The following AGXT2 variants were observed in gnomAD, a reference collection of about 807,000 sequenced individuals.
The protein encoded by AGXT2 is alanine--glyoxylate aminotransferase 2, mitochondrial.
AGXT2 carries 61 observed loss-of-function variants against 62.5 expected under a neutral mutation model. The observed-to-expected ratio is 0.98, with a 90% CI of 0.79 to 1.21. The LOEUF is 1.21. AGXT2 is among the 50% of genes most tolerant of loss of function. The pLI is 0.00. For missense variants in AGXT2, 666 were observed against 641.5 expected, an observed-to-expected ratio of 1.04 and a Z score of -0.41; for synonymous variants, 243 against 218.7, an observed-to-expected ratio of 1.11 and a Z score of -0.98.
chr5:35,014,666 C>T (rs1042399084), intron 9 of AGXT2, among the ~76,000 whole-genome samples: 1 of 152,106 alleles, frequency 6.6e-6, no homozygotes, highest in Admixed American at 6.5e-5. Flanking sequence ...GTCCTTGGAA[C>T]CTCTGCTAAC....
chr5:35,034,233 C>A (rs1024136947), intron 5 of AGXT2, among the ~76,000 whole-genome samples: 3 of 151,866 alleles, frequency 2.0e-5, no homozygotes, highest in Admixed American at 2.0e-4. Flanking sequence ...TACTTTTGCA[C>A]CGACCTAATG....
intron 13 of AGXT2, 35 bp downstream of exon 13, chr5:35,003,728 C>T (rs540104011): frequency 6.4e-7 from 1 of 1,574,502 alleles, no homozygotes. Context: ...AGACTCCTAC[C>T]TAGAGCGATA....
rs960296289 is a variant in AGXT2, at chr5:35,013,915, C to T, written c.1096+72G>A. ...TGATTGTCTCCAATCTACACAAGTT[C>T]CAACACACGTGTTATACCATAGCCC... On this transcript the variant is annotated intron_variant, in intron 10 of 13. Coordinates refer to ENST00000231420, the MANE Select transcript of AGXT2 (RefSeq NM_031900.4). 1.0e-5 allele frequency: 16 copies of T among 1,603,744 alleles called. No individual in the cohort carries two copies. In the Admixed American group the frequency reaches 1.0e-4, roughly 10 times the overall value.
At chr5:35,017,588 T>TG (rs1370737210) in intron 9 of AGXT2, among the ~76,000 whole-genome samples, 3 of 152,238 alleles carry the variant, frequency 2.0e-5, no homozygotes, top group African/African-American at 4.8e-5. Flanking sequence ...GCCATGATTG[T>TG]TAGGCCTCCC....
At chr5:35,032,985 A>AT (rs1191506089) in intron 6 of AGXT2, 160 bp from the exon 7 acceptor site, 3 of 682,326 alleles carry the variant, frequency 4.4e-6, no homozygotes, top group Non-Finnish European at 7.8e-6. Flanking sequence ...TGAAGAGATA[A>AT]TTTTTTCTTA....
At chr5:35,018,914 G>A in intron 9 of AGXT2, among the ~76,000 whole-genome samples, 1 of 143,074 alleles carries the variant, frequency 7.0e-6, no homozygotes, top group Non-Finnish European at 1.5e-5. Flanking sequence ...AAAAGGCAGG[G>A]GTTGCAATCC....
At chr5:35,013,507 GGGGTGCAGTGGCTCACGCCT>G (rs1421077037) in intron 10 of AGXT2, among the ~76,000 whole-genome samples, 1 of 152,064 alleles carries the variant, frequency 6.6e-6, no homozygotes, top group Non-Finnish European at 1.5e-5. Flanking sequence ...CTTTCGGATA[GGGGTGCAGTGGCTCACGCCT>G]GTAATCCCAT....
rs1219933531 is a variant in AGXT2, at chr5:35,039,419, G to A, written c.267C>T (p.His89=). Residue 89 remains histidine, a synonymous_variant, in exon 3 of 14, where the codon CAC becomes CAT. Transcript: ENST00000231420. ...TAYFQKPLLL[H]QGHMEWLFDA... is the part of the protein sequence containing the mutation. ...CAAAGAGCCACTCCATGTGCCCCTG[G>A]TGGAGCAGCAGGGGTTTCTGGAAAT... is the stretch of plus-strand genomic sequence containing the variant. 1.9e-6 allele frequency: 3 copies of A among 1,613,812 alleles called. No individual in the cohort carries two copies. In the Admixed American group the frequency reaches 5.0e-5, roughly 27 times the overall value.
intron 11 of AGXT2, chr5:35,012,648 C>A (rs1299102207): frequency 8.1e-6 from 3 of 371,972 alleles, no homozygotes; most frequent in Admixed American, 4.0e-5. Context: ...ACAAGGATAG[C>A]AGTTAACATC....
At chr5:35,025,982 T>C in intron 8 of AGXT2, 127 bp from the exon 9 acceptor site, 3 of 805,592 alleles carry the variant, frequency 3.7e-6, no homozygotes, top group South Asian at 2.9e-5. Flanking sequence ...CAACAGTCTG[T>C]AGAACAGTTT....
At chr5:35,039,535 C>A (rs1220229333) in intron 2 of AGXT2, 27 bp from the exon 3 acceptor site, 2 of 1,607,768 alleles carry the variant, frequency 1.2e-6, no homozygotes, top group Non-Finnish European at 1.7e-6. Flanking sequence ...TTTAAACCCA[C>A]ACACTTCTTA....
Position 35,035,257 on chromosome 5 carries a change from C to T in AGXT2, c.546G>A (p.Arg182=). Residue 182 remains arginine (R), a synonymous_variant, in exon 5 of 14, where the codon AGG becomes AGA. Transcript: ENST00000231420. ...TGATGTCTATGTTGTTTGAGTGCGCCCTGGCCATCAGCATGGCCAGCTCAT... is the reference window on the plus strand; with the variant it reads ...TGATGTCTATGTTGTTTGAGTGCGCTCTGGCCATCAGCATGGCCAGCTCAT... ...EANELAMLMA[R]AHSNNIDIIS... 1 of 1,614,066 alleles carries T rather than the reference C, an allele frequency of 6.2e-7. No individual in the cohort carries two copies. The highest frequency in any genetic ancestry group is 8.5e-7 in the Non-Finnish European group (1 of 1,180,006).
chr5:35,010,120 G>C lies in AGXT2; in HGVS notation c.1218C>G (p.Asn406Lys), dbSNP rs772835644. 3.1e-6 allele frequency: 5 copies of C among 1,614,046 alleles called. No homozygotes were observed. The Admixed American group carries it at 5.0e-5, about 16-fold the overall frequency. ...EVIKEENLQE[N>K]SQEVGTYMLL... is the part of the protein sequence containing the mutation. ...ACATGTAGGTCCCAACTTCTTGACT[G>C]TTTTCCTGTAGATTTTCTTCTTTAA... is the stretch of plus-strand genomic sequence containing the variant. The change falls in exon 12 of 14, where the codon AAC (asparagine) becomes AAG (lysine). Residue 406 changes from asparagine to lysine, a missense_variant. Coordinates refer to ENST00000231420, the MANE Select transcript of AGXT2 (RefSeq NM_031900.4).
At chr5:35,026,885 T>G (rs984374994) in intron 7 of AGXT2, 1 of 985,274 alleles carries the variant, frequency 1.0e-6, no homozygotes, top group African/African-American at 1.7e-5. Flanking sequence ...TTAGAGCGAT[T>G]TAATTTATTT....
At chr5:35,013,906 A>G in intron 10 of AGXT2, 81 bp downstream of exon 10, 3 of 1,594,284 alleles carry the variant, frequency 1.9e-6, no homozygotes, top group Non-Finnish European at 2.6e-6. Context: ...TCTCCAATCT[A>G]CACAAGTTCC....
intron 5 of AGXT2, among the ~76,000 whole-genome samples, chr5:35,033,882 A>T (rs567274981): frequency 2.1e-4 from 32 of 152,250 alleles, no homozygotes; most frequent in Admixed American, 2.1e-3. Flanking sequence ...TGTTCAATGA[A>T]TACCAGTCTT....
intron 12 of AGXT2, 59 bp downstream of exon 12, chr5:35,009,930 AGCTGATGTTTC>A (rs1766563058): frequency 6.3e-7 from 1 of 1,598,078 alleles, no homozygotes; most frequent in East Asian, 2.2e-5. Context: ...AATGAAGTTT[AGCTGATGTTTC>A]CTCCTATATC....
intron 9 of AGXT2, among the ~76,000 whole-genome samples, chr5:35,024,468 C>T (rs1298346990): frequency 4.6e-5 from 7 of 152,136 alleles, no homozygotes; most frequent in African/African-American, 1.7e-4. Flanking sequence ...AAATTAATCC[C>T]TTTTGAAAAC....
At chr5:35,013,782 CAAAAAAA>C (rs10588573) in intron 10 of AGXT2, among the ~76,000 whole-genome samples, 198 bp downstream of exon 10, 1 of 89,060 alleles carries the variant, frequency 1.1e-5, no homozygotes, top group Non-Finnish European at 2.2e-5. Flanking sequence ...GACTCTGTCT[CAAAAAAA>C]AAAAAAAAAA....
Sources: allele counts gnomAD v4.1 joint callset (sites outside exome capture counted in the v4.1 genomes callset), GRCh38; gene constraint gnomAD v4.1.1; transcripts MANE v1.5; gene names NCBI Gene and HGNC (gene_info 2026-07-23, HGNC 2026-07-21).